SASH1: variants seen among roughly 807,000 people sequenced by gnomAD.
SASH1 encodes SAM and SH3 domain-containing protein 1.
A neutral mutation model predicts 125.2 loss-of-function variants in SASH1; 44 were observed. That is an observed-to-expected ratio of 0.35 (90% CI 0.28 to 0.45). The LOEUF is 0.45. Ranked by LOEUF, SASH1 falls within the 20% of genes least tolerant of loss-of-function variation. SASH1 has a pLI of 1.00. For synonymous variants in SASH1, 639 were observed against 649.1 expected (o/e 0.98, Z 0.24); for missense variants, 1,426 against 1,614.5 (o/e 0.88, Z 2.00).
chr6:148,336,259 T>C (rs1562331477), intron 1 of SASH1, among the ~76,000 whole-genome samples: 1 of 139,220 alleles, frequency 7.2e-6, no homozygotes, highest in Non-Finnish European at 1.5e-5. Context: ...CACTGCGAGC[T>C]CTACCTACCT....
intron 8 of SASH1, among the ~76,000 whole-genome samples, chr6:148,505,068 C>T (rs1779726240): frequency 6.6e-6 from 1 of 152,160 alleles, no homozygotes; most frequent in African/African-American, 2.4e-5. Context: ...CCTTACCTGC[C>T]AAGCTCTAGA....
At chr6:148,325,645 C>A (rs1328910066) in intron 1 of SASH1, among the ~76,000 whole-genome samples, 2 of 152,062 alleles carry the variant, frequency 1.3e-5, no homozygotes. Context: ...GAGGTAACCA[C>A]CCCCATGATT....
the SASH1 span, among the ~76,000 whole-genome samples, chr6:148,248,503 C>T: frequency 8.5e-5 from 13 of 152,294 alleles, no homozygotes; most frequent in African/African-American, 3.1e-4. Context: ...CTACCCTCTA[C>T]CTGATACAGG....
chr6:148,197,996 C>T, the SASH1 span, among the ~76,000 whole-genome samples: 2 of 152,154 alleles, frequency 1.3e-5, no homozygotes, highest in Admixed American at 1.3e-4. Flanking sequence ...ATTATAGCTG[C>T]CCAACACCAC....
At chr6:148,364,185 A>G (rs1782359956) in intron 1 of SASH1, among the ~76,000 whole-genome samples, 1 of 152,092 alleles carries the variant, frequency 6.6e-6, no homozygotes, top group South Asian at 2.1e-4. Context: ...AACCTCCATC[A>G]CTTCCCTTTG....
the SASH1 span, among the ~76,000 whole-genome samples, chr6:148,202,000 G>A: frequency 0.043 from 6,586 of 151,976 alleles, 188 homozygotes; most frequent in Non-Finnish European, 0.059. Context: ...CAGTTCACCC[G>A]GTCCATATTA....
chr6:148,349,525 A>G (rs77100959), intron 1 of SASH1, among the ~76,000 whole-genome samples: 12,285 of 151,930 alleles, frequency 0.081, 761 homozygotes, highest in East Asian at 0.32. Flanking sequence ...CGGCCTTCCA[A>G]AGTGCTGGGA....
chr6:148,330,201 G>A (rs774241307), intron 1 of SASH1, among the ~76,000 whole-genome samples: 2 of 152,086 alleles, frequency 1.3e-5, no homozygotes, highest in Non-Finnish European at 2.9e-5. Context: ...CATACGTGTG[G>A]TGTTGTTGTT....
chr6:148,367,498 A>G (rs945693534), intron 1 of SASH1, among the ~76,000 whole-genome samples: 1 of 152,246 alleles, frequency 6.6e-6, no homozygotes, highest in Non-Finnish European at 1.5e-5. Flanking sequence ...GCTCTTGTTT[A>G]CGTCCTCGGG....
the SASH1 span, among the ~76,000 whole-genome samples, chr6:148,256,118 T>C: frequency 1.1e-4 from 17 of 152,194 alleles, 1 homozygote; most frequent in Admixed American, 7.9e-4. Context: ...TATAGCTGAG[T>C]TGGTCCCATA....
chr6:148,434,142 T>C (rs1341774282), intron 2 of SASH1, among the ~76,000 whole-genome samples: 2 of 139,674 alleles, frequency 1.4e-5, no homozygotes, highest in African/African-American at 2.7e-5. Flanking sequence ...AGTGGCGCAA[T>C]CTTGGCTCAC....
rs570467353 is a variant in SASH1 at position 148,439,766 on chromosome 6, ACT to A, written c.286-415_286-414del. Among the ~76,000 whole-genome samples, 89 of 145,996 alleles carry A rather than the reference ACT, an allele frequency of 6.1e-4. No homozygotes were observed. The East Asian group carries it at 0.015, about 24-fold the overall frequency. ...CACTCCAGCCTGGTGACAGAGCTAG[ACT>A]CTGTCTCAAAAAAAAAAAAAATTGG... On this transcript the variant is annotated intron_variant, in intron 2 of 19. Transcript: ENST00000367467.
chr6:148,448,115 A>T (rs13219503), intron 4 of SASH1, among the ~76,000 whole-genome samples: 92,201 of 146,774 alleles, frequency 0.63, 29,142 homozygotes, highest in South Asian at 0.73. Context: ...CAGTGGAGAG[A>T]GTGTGTGTGT....
rs1260893534 is a variant in SASH1 at position 148,307,032 on chromosome 6, C to CT, written n.74+34658dup. On this transcript the variant is annotated intron_variant and non_coding_transcript_variant, in intron 1 of 3. Coordinates refer to the SASH1 transcript ENST00000367469. The stretch of plus-strand genomic sequence containing the variant: ...ACCTACCTTTCTCTTTCTTTTCTTT[C>CT]TTTCTTTCTTTCTTTCTTTCTTTCT... 5.2e-4 allele frequency among the ~76,000 whole-genome samples: 23 copies of CT among 43,984 alleles called. No homozygotes were observed. In the South Asian group the frequency reaches 0.014, roughly 27 times the overall value. The allele number at this position is 43,984 out of a possible 152,430, so 28.9% of individuals were successfully genotyped here. A position where few individuals can be genotyped will look rare whatever the true frequency, so the allele number is the denominator to read the frequency against.
the SASH1 span, among the ~76,000 whole-genome samples, chr6:148,260,800 T>C: frequency 1.3e-5 from 1 of 78,588 alleles, no homozygotes; most frequent in East Asian, 2.4e-4. Flanking sequence ...TAAGGGCTTT[T>C]TTTTTTTTTT....
In SASH1 at chr6:148,330,322, C is replaced by T. The variant is rs540426483; in HGVS notation, n.74+57945C>T. Among the ~76,000 whole-genome samples, 41 of 152,292 alleles carry T rather than the reference C, an allele frequency of 2.7e-4. No homozygotes were observed. In the East Asian group the frequency reaches 2.9e-3, roughly 11 times the overall value. On this transcript the variant is annotated intron_variant and non_coding_transcript_variant, in intron 1 of 3. Coordinates refer to the SASH1 transcript ENST00000367469. ...AATCTTTTGTTCTATGCACATAACA[C>T]GATGGCACCTCAAAGAAGCAGAGCA...
chr6:148,404,782 C>G (rs1306344122), intron 2 of SASH1, among the ~76,000 whole-genome samples: 3 of 124,360 alleles, frequency 2.4e-5, no homozygotes, highest in African/African-American at 9.5e-5. Context: ...GCCCTCATCC[C>G]AGTCCCCAGT....
At chr6:148,362,974 G>GGA (rs1233241433) in intron 1 of SASH1, among the ~76,000 whole-genome samples, 1 of 152,174 alleles carries the variant, frequency 6.6e-6, no homozygotes, top group East Asian at 1.9e-4. Flanking sequence ...GACAGAGCTG[G>GGA]GAGAGAGGGT....
chr6:148,200,751 G>A, the SASH1 span, among the ~76,000 whole-genome samples: 2,934 of 152,320 alleles, frequency 0.019, 92 homozygotes, highest in African/African-American at 0.068. Flanking sequence ...GAAGGATGGA[G>A]ATTTTACAGG....
Sources: gnomAD v4.1 joint callset for allele counts (sites outside exome capture counted in the v4.1 genomes callset) on GRCh38, gnomAD v4.1.1 for gene constraint, MANE v1.5 for transcripts, NCBI Gene and HGNC (gene_info 2026-07-23, HGNC 2026-07-21) for gene names.